The following FAM120A variants were observed in gnomAD, a reference collection of about 807,000 sequenced individuals.
FAM120A encodes the protein family with sequence similarity 120 member A.
Under a neutral mutation model 109.7 loss-of-function variants are expected in FAM120A, and 15 were observed. That is an observed-to-expected ratio of 0.14 (90% confidence interval 0.09 to 0.21). FAM120A has a LOEUF of 0.21. FAM120A is among the 10% of genes least tolerant of loss of function. The pLI, the probability that FAM120A is intolerant of heterozygous loss-of-function variation, is 1.00. For missense variants in FAM120A, 899 were observed against 1,439.3 expected, an observed-to-expected ratio of 0.62 and a Z score of 6.07; for synonymous variants, 493 against 572.8, an observed-to-expected ratio of 0.86 and a Z score of 1.99.
intron 12 of FAM120A, among the ~76,000 whole-genome samples, chr9:93,553,161 C>A (rs1862164283): frequency 6.6e-6 from 1 of 152,096 alleles, no homozygotes; most frequent in Admixed American, 6.6e-5. Context: ...ATTTTTTAAG[C>A]CCTTCTCCTA....
chr9:93,456,874 T>G (rs768458851), intron 1 of FAM120A, among the ~76,000 whole-genome samples: 2 of 152,226 alleles, frequency 1.3e-5, no homozygotes, highest in African/African-American at 2.4e-5. Context: ...CAGTAGATCC[T>G]GGACACTGAC....
At chr9:93,507,052 A>C (rs1860093796) in intron 5 of FAM120A, among the ~76,000 whole-genome samples, 1 of 152,120 alleles carries the variant, frequency 6.6e-6, no homozygotes, top group Admixed American at 6.5e-5. Context: ...AAAGAGTTTT[A>C]ATCTGGGAGT....
At chr9:93,548,623 A>G (rs1861981705) in intron 11 of FAM120A, among the ~76,000 whole-genome samples, 1 of 152,224 alleles carries the variant, frequency 6.6e-6, no homozygotes, top group South Asian at 2.1e-4. Flanking sequence ...AGAAATTAAA[A>G]TAAAAGGAAT....
intron 1 of FAM120A, among the ~76,000 whole-genome samples, chr9:93,465,375 A>G (rs1044361267): frequency 2.0e-5 from 3 of 152,196 alleles, no homozygotes; most frequent in Non-Finnish European, 2.9e-5. Flanking sequence ...TTGGTAACCA[A>G]ATTCCATACT....
At chr9:93,491,764 G>C (rs1588834294) in intron 3 of FAM120A, among the ~76,000 whole-genome samples, 1 of 152,148 alleles carries the variant, frequency 6.6e-6, no homozygotes, top group Middle Eastern at 3.4e-3. Flanking sequence ...CTTAGAGATA[G>C]AATGTACATA....
At chr9:93,547,176 G>C (rs1861918965) in intron 11 of FAM120A, among the ~76,000 whole-genome samples, 1 of 152,200 alleles carries the variant, frequency 6.6e-6, no homozygotes, top group South Asian at 2.1e-4. Flanking sequence ...TGGGGATGCA[G>C]CATGGATAAA....
At chr9:93,527,477 A>G (rs976056719) in intron 8 of FAM120A, among the ~76,000 whole-genome samples, 17 of 152,128 alleles carry the variant, frequency 1.1e-4, no homozygotes, top group African/African-American at 3.9e-4. Flanking sequence ...CATCTTGGAC[A>G]AGGTGCTTAG....
At chr9:93,472,632 A>T (rs973009910) in intron 2 of FAM120A, among the ~76,000 whole-genome samples, 1 of 152,230 alleles carries the variant, frequency 6.6e-6, no homozygotes, top group African/African-American at 2.4e-5. Flanking sequence ...AGAGGGGATT[A>T]TATTGTGGAT....
chr9:93,527,222 G>C lies in FAM120A; in HGVS notation c.1486G>C (p.Asp496His). The C allele has an allele frequency of 6.2e-7, 1 of 1,614,110 alleles. No homozygotes were observed. The highest frequency in any genetic ancestry group is 8.5e-7 in the Non-Finnish European group (1 of 1,179,968). The change falls in exon 8 of 18, where the codon GAC becomes CAC. Residue 496 changes from aspartate to histidine, a missense_variant. By Grantham distance (81) the Asp-to-His change is moderately conservative. Transcript: ENST00000277165. ...GSHSEPQARG[D>H]PGDQTKAEGS... The stretch of plus-strand genomic sequence containing the variant: ...CCACTCAGAGCCTCAGGCACGAGGA[G>C]ACCCAGGAGACCAAACAAAGGTAGA...
chr9:93,517,555 A>C (rs1271136103), intron 7 of FAM120A, among the ~76,000 whole-genome samples: 1 of 152,234 alleles, frequency 6.6e-6, no homozygotes, highest in African/African-American at 2.4e-5. Flanking sequence ...AACGTGACTC[A>C]TGTCAGCAAG....
In FAM120A at chr9:93,471,237, C is replaced by T. The variant is rs766936034; in HGVS notation, c.571C>T (p.Leu191=). Residue 191 remains leucine, a synonymous_variant, in exon 2 of 18, where the codon CTG becomes TTG. Transcript: ENST00000277165. ...GGTTGCGTATGACTCTGATTATGCA[C>T]TGTGCAACATCCCCTACTATTTCAG... ...GLVAYDSDYA[L]CNIPYYFSAH... The T allele has an allele frequency of 1.8e-5, 29 of 1,614,088 alleles. No homozygotes were observed. Among genetic ancestry groups the T allele is most frequent in the Admixed American group, 3.3e-5 (2 of 60,006 alleles).
chr9:93,540,923 G>A lies in FAM120A; in HGVS notation c.1910-2299G>A, dbSNP rs996435777. Among the ~76,000 whole-genome samples the A allele has an allele frequency of 2.0e-5, 3 of 152,094 alleles. 1 individual carries two copies. The highest frequency in any genetic ancestry group is 1.3e-4 in the Admixed American group (2 of 15,264). ...ATTAAAGAGAGGCGAGAACAGAGCC[G>A]ATGAAAGGGAAAGAAAAAAATGAAA... On this transcript the variant is annotated intron_variant, in intron 10 of 17. Transcript: ENST00000277165.
At chr9:93,491,616 C>T (rs1001409374) in intron 3 of FAM120A, among the ~76,000 whole-genome samples, 10 of 152,116 alleles carry the variant, frequency 6.6e-5, no homozygotes, top group Non-Finnish European at 1.3e-4. Context: ...TTTCAAAGGT[C>T]TTTTCCAGCC....
chr9:93,462,341 C>A (rs7034881), intron 1 of FAM120A, among the ~76,000 whole-genome samples: 3,981 of 152,138 alleles, frequency 0.026, 166 homozygotes, highest in African/African-American at 0.09. Context: ...AGCGCAGTAG[C>A]GTGATCTCAG....
chr9:93,514,719 G>T (rs1860489290), intron 5 of FAM120A, among the ~76,000 whole-genome samples: 1 of 152,194 alleles, frequency 6.6e-6, no homozygotes, highest in African/African-American at 2.4e-5. Context: ...TTGGGCCCCA[G>T]TCGGTCCTTG....
chr9:93,514,161 G>C (rs753704376), intron 5 of FAM120A, among the ~76,000 whole-genome samples: 3 of 152,228 alleles, frequency 2.0e-5, no homozygotes, highest in Non-Finnish European at 4.4e-5. Flanking sequence ...GCGGTAAGAA[G>C]TGTCGAGTGA....
At chr9:93,536,096 T>A (rs764269433) in intron 10 of FAM120A, among the ~76,000 whole-genome samples, 4 of 152,214 alleles carry the variant, frequency 2.6e-5, no homozygotes, top group Admixed American at 6.5e-5. Flanking sequence ...GAAGCTGACA[T>A]TGAAAAGTTT....
intron 17 of FAM120A, among the ~76,000 whole-genome samples, chr9:93,562,953 C>A (rs1481958362): frequency 6.6e-6 from 1 of 152,170 alleles, no homozygotes; most frequent in African/African-American, 2.4e-5. Context: ...GCGTGAGCCA[C>A]CATGCCCAGC....
chr9:93,520,015 A>C (rs10761231), intron 7 of FAM120A, among the ~76,000 whole-genome samples: 5 of 151,636 alleles, frequency 3.3e-5, no homozygotes, highest in Non-Finnish European at 7.4e-5. Flanking sequence ...CTGAGACGAA[A>C]GACATGTTCC....
Sources: allele counts gnomAD v4.1 joint callset (sites outside exome capture counted in the v4.1 genomes callset), GRCh38; gene constraint gnomAD v4.1.1; transcripts MANE v1.5; gene names NCBI Gene and HGNC (gene_info 2026-07-23, HGNC 2026-07-21).